Variants in NREP observed in about 807,000 individuals in gnomAD.
The protein encoded by NREP is neuronal regeneration related protein.
NREP carries 5 observed loss-of-function variants against 8.6 expected under a neutral mutation model. The ratio of observed to expected loss-of-function variants is 0.58; its 90% CI spans 0.30 to 1.22. The LOEUF is 1.22. Among genes scored for constraint, NREP ranks in the 50% most tolerant of loss-of-function variants. NREP has a pLI of 0.07. For synonymous variants in NREP, 27 were observed against 28.0 expected, an observed-to-expected ratio of 0.96 and a Z score of 0.11; for missense variants, 86 against 82.5, an observed-to-expected ratio of 1.04 and a Z score of -0.17.
chr5:111,873,033 A>G (rs1753825003), intron 2 of NREP, among the ~76,000 whole-genome samples: 7 of 152,184 alleles, frequency 4.6e-5, no homozygotes, highest in Admixed American at 4.6e-4. Context: ...ACTGCAAGGT[A>G]TCATTGAGCT....
At chr5:111,872,968 T>C (rs940774499) in intron 2 of NREP, among the ~76,000 whole-genome samples, 1 of 152,132 alleles carries the variant, frequency 6.6e-6, no homozygotes, top group African/African-American at 2.4e-5. Flanking sequence ...CCATTTTAAC[T>C]TGGGTCTCAG....
rs1030792177 is a variant in NREP at position 111,955,276 on chromosome 5, A to G, written c.135+19998T>C. ...ATGTATGTATTCAAAGAGAAATATT[A>G]TTCTTATGTGCCACCTCATCCTACA... On this transcript the variant is annotated intron_variant, in intron 2 of 3. Coordinates refer to the NREP transcript ENST00000395634. Among the ~76,000 whole-genome samples the G allele has an allele frequency of 7.6e-4, 116 of 152,244 alleles. 1 individual carries two copies. Among genetic ancestry groups the G allele is most frequent in the Non-Finnish European group, 1.0e-3 (68 of 68,002 alleles).
At chr5:111,923,241 G>A (rs118102880) in intron 2 of NREP, among the ~76,000 whole-genome samples, 1 of 152,294 alleles carries the variant, frequency 6.6e-6, no homozygotes, top group African/African-American at 2.4e-5. Flanking sequence ...CCTAGTGAAA[G>A]AGACATACTT....
chr5:111,751,646 C>A (rs1750368643), intron 2 of NREP, among the ~76,000 whole-genome samples: 1 of 152,146 alleles, frequency 6.6e-6, no homozygotes. Flanking sequence ...ACATTTTCCT[C>A]TGGTATATTC....
chr5:111,772,075 T>C (rs1751244235), intron 2 of NREP, among the ~76,000 whole-genome samples: 7 of 152,096 alleles, frequency 4.6e-5, no homozygotes, highest in Admixed American at 4.6e-4. Flanking sequence ...AACAGAGGAG[T>C]TGGACTGGAA....
At chr5:111,972,827 C>T (rs1756859131) in intron 2 of NREP, among the ~76,000 whole-genome samples, 1 of 152,238 alleles carries the variant, frequency 6.6e-6, no homozygotes, top group Admixed American at 6.5e-5. Flanking sequence ...TTGTGTGCCA[C>T]TGCCTGCTGC....
intron 2 of NREP, among the ~76,000 whole-genome samples, chr5:111,838,677 A>T (rs977343337): frequency 6.6e-6 from 1 of 152,090 alleles, no homozygotes; most frequent in Non-Finnish European, 1.5e-5. Context: ...CCACAATTTT[A>T]TAGATTATTT....
At chr5:111,785,851 C>T (rs1207241843) in intron 2 of NREP, among the ~76,000 whole-genome samples, 1 of 152,100 alleles carries the variant, frequency 6.6e-6, no homozygotes, top group African/African-American at 2.4e-5. Context: ...TCTTTCCTGC[C>T]TTCCTGAGTC....
At chr5:111,889,397 C>T (rs1754340704) in intron 2 of NREP, among the ~76,000 whole-genome samples, 1 of 152,166 alleles carries the variant, frequency 6.6e-6, no homozygotes, top group Admixed American at 6.5e-5. Context: ...CCCCCATGAT[C>T]CTATCACCTT....
rs146799626 is a variant in NREP, at chr5:111,782,820, T to C, written c.136-47313A>G. Among the ~76,000 whole-genome samples, 1,201 of 152,064 alleles carry C rather than the reference T, an allele frequency of 7.9e-3. 19 individuals carry two copies. Among genetic ancestry groups the C allele is most frequent in the African/African-American group, 0.028 (1,154 of 41,488 alleles). On this transcript the variant is annotated intron_variant, in intron 2 of 3. Transcript: ENST00000395634. ...CATGATCTCAGCTCACTGCAACTTCTGCCTCCTGGGTTCAAGCAATTCTCA... is the reference window on the plus strand; with the variant it reads ...CATGATCTCAGCTCACTGCAACTTCCGCCTCCTGGGTTCAAGCAATTCTCA...
intron 2 of NREP, among the ~76,000 whole-genome samples, chr5:111,826,136 T>C (rs1216689241): frequency 6.6e-6 from 1 of 152,130 alleles, no homozygotes; most frequent in African/African-American, 2.4e-5. Context: ...AGAACTTTTA[T>C]GTCTAGCTGA....
At chr5:111,910,422 T>C (rs1754880407) in intron 2 of NREP, among the ~76,000 whole-genome samples, 1 of 152,132 alleles carries the variant, frequency 6.6e-6, no homozygotes, top group East Asian at 1.9e-4. Flanking sequence ...GGCTGCTATC[T>C]TTTTTGGGGG....
chr5:111,758,074 G>T, upstream of NREP: 1 of 985,564 alleles, frequency 1.0e-6, no homozygotes, highest in Non-Finnish European at 1.2e-6. Context: ...GACACACAAA[G>T]AGTCCGCGAA....
chr5:111,936,622 G>C (rs544151553), intron 2 of NREP, among the ~76,000 whole-genome samples: 1 of 152,174 alleles, frequency 6.6e-6, no homozygotes, highest in East Asian at 1.9e-4. Flanking sequence ...CTGAGGACAT[G>C]TATTTTAGTG....
In NREP at chr5:111,730,913, T is replaced by C; in HGVS notation, c.*8A>G. On this transcript the variant is annotated 3_prime_UTR_variant, in exon 4 of 4. Transcript: ENST00000257435. ...ACACCATATGTAATACAAATGGAGG[T>C]GTTACGATTAAAAAAAGTGGAGGTA... The C allele has an allele frequency of 6.2e-7, 1 of 1,613,682 alleles. No homozygotes were observed. The highest frequency in any genetic ancestry group is 1.3e-5 in the African/African-American group (1 of 74,968).
chr5:111,877,851 C>T (rs1753947647), intron 2 of NREP, among the ~76,000 whole-genome samples: 2 of 152,142 alleles, frequency 1.3e-5, no homozygotes, highest in Admixed American at 6.5e-5. Context: ...TGGGTGTTCC[C>T]CCCTCACCAA....
intron 2 of NREP, among the ~76,000 whole-genome samples, chr5:111,809,018 T>C (rs1297868122): frequency 6.6e-6 from 1 of 152,254 alleles, no homozygotes; most frequent in African/African-American, 2.4e-5. Flanking sequence ...TTTGTACATC[T>C]TCCAGGTTGG....
intron 2 of NREP, among the ~76,000 whole-genome samples, chr5:111,793,939 C>T (rs76019350): frequency 0.015 from 2,216 of 152,014 alleles, 63 homozygotes; most frequent in African/African-American, 0.051. Context: ...GCCTGTAGTC[C>T]CCCAGCTACT....
At chr5:111,801,256 G>T (rs1751998890) in intron 2 of NREP, among the ~76,000 whole-genome samples, 1 of 152,168 alleles carries the variant, frequency 6.6e-6, no homozygotes, top group African/African-American at 2.4e-5. Flanking sequence ...TTTCAACAGG[G>T]AGAATTAAGC....
Sources: allele counts gnomAD v4.1 joint callset (sites outside exome capture counted in the v4.1 genomes callset), GRCh38; gene constraint gnomAD v4.1.1; transcripts MANE v1.5; gene names NCBI Gene and HGNC (gene_info 2026-07-23, HGNC 2026-07-21).